The following BNIPL variants were observed in gnomAD, a reference collection of about 807,000 sequenced individuals.
The protein encoded by BNIPL is BCL2 interacting protein like, also known as bcl-2/adenovirus E1B 19 kDa-interacting protein 2-like protein.
A neutral mutation model predicts 47.0 loss-of-function variants in BNIPL; 33 were observed. The observed-to-expected ratio is 0.70, with a 90% CI of 0.53 to 0.94. The LOEUF (loss-of-function observed/expected upper bound fraction) is 0.94. Among genes scored for constraint, BNIPL ranks in the 40% least tolerant of loss-of-function variants. The pLI is 0.00. For missense variants in BNIPL, 404 were observed against 445.2 expected, an observed-to-expected ratio of 0.91 and a Z score of 0.83; for synonymous variants, 145 against 162.7, an observed-to-expected ratio of 0.89 and a Z score of 0.83.
chr1:151,041,621 C>CAATAAT (rs1432133961), intron 4 of BNIPL, among the ~76,000 whole-genome samples: 1 of 152,004 alleles, frequency 6.6e-6, no homozygotes, highest in African/African-American at 2.4e-5. Context: ...ACAACAACAA[C>CAATAAT]AATAATAATA....
chr1:151,039,496 G>A (rs986419967), intron 4 of BNIPL, among the ~76,000 whole-genome samples: 1 of 152,180 alleles, frequency 6.6e-6, no homozygotes, highest in Non-Finnish European at 1.5e-5. Context: ...AACTGAAGCT[G>A]ACATTTATCA....
chr1:151,043,350 T>G lies in BNIPL; in HGVS notation c.635T>G (p.Leu212Arg). The G allele has an allele frequency of 1.2e-6, 2 of 1,609,862 alleles. No individual in the cohort carries two copies. Among genetic ancestry groups the G allele is most frequent in the Non-Finnish European group, 1.7e-6 (2 of 1,176,072 alleles). Residue 212 changes from leucine to arginine, a missense_variant, in exon 6 of 10, where the codon CTC becomes CGC. Transcript: ENST00000368931. Reference protein sequence around the residue: ...LSHGGYHGDGLNAVILFASCY... With the variant: ...LSHGGYHGDGRNAVILFASCY... ...TCTCCAGGTTACCACGGTGATGGCC[T>G]CAATGCTGTCATCCTTTTTGCTTCC...
Position 151,037,664 on chromosome 1 carries a change from T to C in BNIPL, c.137+2T>C. 6.3e-7 allele frequency: 1 copy of C among 1,585,154 alleles called. No individual in the cohort carries two copies. The highest frequency in any genetic ancestry group is 8.6e-7 in the Non-Finnish European group (1 of 1,164,156). On this transcript the variant is annotated splice_donor_variant, in intron 2 of 9. Transcript: ENST00000368931. LOFTEE classifies it high-confidence loss of function. The stretch of plus-strand genomic sequence containing the variant: ...ATGGCAGGATGAAGAATTCCCTAGG[T>C]GAGGACGTGTGAGGGTGGCTGGGAG...
intron 1 of BNIPL, among the ~76,000 whole-genome samples, chr1:151,037,035 C>G (rs1675627701): frequency 6.6e-6 from 1 of 152,166 alleles, no homozygotes; most frequent in Non-Finnish European, 1.5e-5. Context: ...TGCCTGTGTT[C>G]TTTTATTTTC....
chr1:151,044,377 G>A (rs1483050668), intron 7 of BNIPL, among the ~76,000 whole-genome samples: 3 of 152,166 alleles, frequency 2.0e-5, no homozygotes, highest in Admixed American at 2.0e-4. Flanking sequence ...CATATTGCCT[G>A]GCACACAGAA....
In BNIPL at chr1:151,044,736, T is replaced by C. The variant is rs587625362; in HGVS notation, c.851+1009T>C. 1,696 of 1,125,892 alleles carry C rather than the reference T, an allele frequency of 1.5e-3. 23 individuals carry two copies. The African/African-American group carries it at 0.025, about 16-fold the overall frequency. 69.7% of individuals were successfully genotyped at this position (1,125,892 alleles called of 1,614,324 possible). A position where few individuals can be genotyped will look rare whatever the true frequency, so the allele number is the denominator to read the frequency against. ...TCCCAAAGTGCTGGGATTACAGGTG[T>C]GAGCCACTGTGCCTGGCCCTGTGTC... is the stretch of plus-strand genomic sequence containing the variant. On this transcript the variant is annotated intron_variant, in intron 7 of 9. Transcript: ENST00000368931.
At chr1:151,039,980 G>A (rs1675761726) in intron 4 of BNIPL, among the ~76,000 whole-genome samples, 2 of 152,224 alleles carry the variant, frequency 1.3e-5, no homozygotes, top group South Asian at 4.1e-4. Context: ...TGAGCTCCTG[G>A]CCTCAAGTGA....
chr1:151,038,010 A>C (rs1293138465), intron 2 of BNIPL, among the ~76,000 whole-genome samples: 7 of 31,736 alleles, frequency 2.2e-4, no homozygotes, highest in East Asian at 9.4e-3. Context: ...CAAAAAAAAA[A>C]AAAAAAAAAA....
chr1:151,040,857 T>G (rs1675797349), intron 4 of BNIPL, among the ~76,000 whole-genome samples: 1 of 147,614 alleles, frequency 6.8e-6, no homozygotes, highest in South Asian at 2.1e-4. Context: ...TCATGCAGAA[T>G]GGTGGGTATA....
Position 151,047,679 on chromosome 1 carries a change from G to C in BNIPL, c.*992G>C, listed in dbSNP as rs765420649. ...AGTTCTTGCCGCAGAGGTTCCTTAG[G>C]AGCACCCCGCGCGGCCCGCGCGAGC... is the stretch of plus-strand genomic sequence containing the variant. On this transcript the variant is annotated 3_prime_UTR_variant, in exon 10 of 10. Coordinates refer to ENST00000368931, the MANE Select transcript of BNIPL (RefSeq NM_138278.4). The C allele has an allele frequency of 1.7e-6, 2 of 1,153,048 alleles. No individual in the cohort carries two copies. Among genetic ancestry groups the C allele is most frequent in the Non-Finnish European group, 1.2e-6 (1 of 855,036 alleles). The allele number at this position is 1,153,048 out of a possible 1,614,324, so 71.4% of individuals were successfully genotyped here.
intron 4 of BNIPL, among the ~76,000 whole-genome samples, 178 bp downstream of exon 4, chr1:151,039,204 A>C (rs587621946): frequency 6.6e-6 from 1 of 152,300 alleles, no homozygotes; most frequent in East Asian, 1.9e-4. Context: ...AGTAGTCAGT[A>C]GAGGGGGAGG....
At chr1:151,042,271 G>A (rs57467752) in intron 4 of BNIPL, among the ~76,000 whole-genome samples, 1,850 of 151,746 alleles carry the variant, frequency 0.012, 51 homozygotes, top group African/African-American at 0.042. Context: ...TTTGTAATTT[G>A]TAATTTTATT....
In BNIPL at chr1:151,042,937, C is replaced by T. The variant is rs754553475; in HGVS notation, c.434-19C>T. On this transcript the variant is annotated intron_variant, in intron 4 of 9. Transcript: ENST00000368931. ...TAGGAAATCTGCCTTGTTGATCCTT[C>T]CCCATCCCTCTCTTTTAGATGAACT... 6.6e-7 allele frequency: 1 copy of T among 1,512,758 alleles called. No homozygotes were observed. The highest frequency in any genetic ancestry group is 8.8e-7 in the Non-Finnish European group (1 of 1,136,598). The allele number at this position is 1,512,758 out of a possible 1,614,324, so 93.7% of individuals were successfully genotyped here.
Position 151,036,668 on chromosome 1 carries a change from A to G in BNIPL, c.-58A>G. On this transcript the variant is annotated 5_prime_UTR_variant, in exon 1 of 10. Coordinates refer to ENST00000368931, the MANE Select transcript of BNIPL (RefSeq NM_138278.4). Reference sequence around the variant, plus strand: ...GTAAGGAAGTGTTGGGGGCTGGGACAACCAGCTCCCCAACAACTCCTAGGT... The same window carrying G: ...GTAAGGAAGTGTTGGGGGCTGGGACGACCAGCTCCCCAACAACTCCTAGGT... The G allele has an allele frequency of 6.8e-7, 1 of 1,474,740 alleles. No homozygotes were observed. The highest frequency in any genetic ancestry group is 1.1e-5 in the South Asian group (1 of 88,178). 91.4% of individuals were successfully genotyped at this position (1,474,740 alleles called of 1,614,324 possible).
rs1459115063 is a variant in BNIPL at position 151,047,524 on chromosome 1, AT to A, written c.*842del. On this transcript the variant is annotated 3_prime_UTR_variant, in exon 10 of 10. Transcript: ENST00000368931. ...GGGAAGGAGTGCTTTCAAAACCTGT[AT>A]TTTTGCCCTCTTTAGTAAATTTAGA... 3.2e-6 allele frequency: 1 copy of A among 311,764 alleles called. No homozygotes were observed. Among genetic ancestry groups the A allele is most frequent in the Non-Finnish European group, 5.9e-6 (1 of 169,950 alleles). The allele number at this position is 311,764 out of a possible 1,614,324, so 19.3% of individuals were successfully genotyped here.
At chr1:151,045,920 C>T (rs1009564648) in intron 8 of BNIPL, 37 bp downstream of exon 8, 4 of 1,613,856 alleles carry the variant, frequency 2.5e-6, no homozygotes, top group African/African-American at 1.3e-5. Context: ...TTTCTCCTTC[C>T]CCCCATTTTC....
At chr1:151,040,649 G>T (rs1236046638) in intron 4 of BNIPL, among the ~76,000 whole-genome samples, 1 of 151,892 alleles carries the variant, frequency 6.6e-6, no homozygotes, top group Non-Finnish European at 1.5e-5. Context: ...TACAAAATTA[G>T]CTGGGTATGG....
Position 151,046,964 on chromosome 1 carries a change from TG to T in BNIPL, c.*278del. On this transcript the variant is annotated 3_prime_UTR_variant, in exon 10 of 10. Transcript: ENST00000368931. Reference sequence around the variant, plus strand: ...GGATATGCAGAGCTCTGGGTTTTTTTGTTTTTTGTTTTTTGAGACGGAGTCT... The same window carrying T: ...GGATATGCAGAGCTCTGGGTTTTTTTTTTTTTGTTTTTTGAGACGGAGTCT... The T allele has an allele frequency of 3.4e-6, 1 of 294,482 alleles. No homozygotes were observed. The highest frequency in any genetic ancestry group is 5.2e-5 in the Admixed American group (1 of 19,190). The allele number at this position is 294,482 out of a possible 1,614,324, so 18.2% of individuals were successfully genotyped here. A position where few individuals can be genotyped will look rare whatever the true frequency, so the allele number is the denominator to read the frequency against.
At chr1:151,038,348 TG>T in intron 2 of BNIPL, 155 bp from the exon 3 acceptor site, 1 of 637,670 alleles carries the variant, frequency 1.6e-6, no homozygotes, top group Non-Finnish European at 2.8e-6. Flanking sequence ...CATTCCAGCC[TG>T]GGCAACAGAG....
Sources: allele counts gnomAD v4.1 joint callset (sites outside exome capture counted in the v4.1 genomes callset), GRCh38; gene constraint gnomAD v4.1.1; transcripts MANE v1.5; gene names NCBI Gene and HGNC (gene_info 2026-07-23, HGNC 2026-07-21).